Variants in FLRT1 observed in about 807,000 individuals in gnomAD.
The protein encoded by FLRT1 is fibronectin leucine rich transmembrane protein 1.
In FLRT1, 14 loss-of-function variants were observed where a neutral mutation model predicts 30.9. The ratio of observed to expected loss-of-function variants is 0.45; its 90% CI spans 0.30 to 0.71. The LOEUF is 0.71. Among genes scored for constraint, FLRT1 ranks in the 30% least tolerant of loss-of-function variants. FLRT1 has a pLI of 0.08. For synonymous variants in FLRT1, 368 were observed against 430.4 expected (o/e 0.85, Z 1.80); for missense variants, 737 against 949.2 (o/e 0.78, Z 2.94).
intron 1 of FLRT1, among the ~76,000 whole-genome samples, chr11:64,065,298 G>A (rs1020270920): frequency 3.3e-5 from 5 of 152,206 alleles, no homozygotes; most frequent in African/African-American, 7.2e-5. Context: ...GCGGGCAAGC[G>A]TCAGCTGCCT....
intron 1 of FLRT1, among the ~76,000 whole-genome samples, chr11:64,101,576 G>A (rs901168854): frequency 6.6e-6 from 1 of 152,174 alleles, no homozygotes; most frequent in African/African-American, 2.4e-5. Context: ...CGGCCAGGGA[G>A]GCGGATGACC....
In FLRT1 at chr11:64,064,308, G is replaced by T. The variant is rs989749018; in HGVS notation, c.-1038+28149G>T. On this transcript the variant is annotated intron_variant, in intron 1 of 2. Coordinates refer to ENST00000682287, the MANE Select transcript of FLRT1 (RefSeq NM_013280.5). This position sits in a 1 kb window ranked among gnomAD's most constrained non-coding sequence, Gnocchi z 4.5. ...ACGTGCAGCCCTGTTCAGGCGGCGG[G>T]TAGGGGGGTGATGTCTCATCAGAAG... Among the ~76,000 whole-genome samples the T allele has an allele frequency of 6.6e-6, 1 of 152,222 alleles. No homozygotes were observed. Among genetic ancestry groups the T allele is most frequent in the Admixed American group, 6.5e-5 (1 of 15,294 alleles).
chr11:64,105,681 TG>T (rs1317981614), intron 2 of FLRT1, among the ~76,000 whole-genome samples: 1 of 152,128 alleles, frequency 6.6e-6, no homozygotes, highest in Non-Finnish European at 1.5e-5. Context: ...GCAGACATGC[TG>T]GTGGAGAAGA....
Position 64,090,870 on chromosome 11 carries a change from G to T in FLRT1, c.-1037-12324G>T, listed in dbSNP as rs1028099966. Reference sequence around the variant, plus strand: ...GCACTCCCAGGGAGCCCTGAGGGACGAAGTAAAGCAGGAGAGGGCAGGGGG... The same window carrying T: ...GCACTCCCAGGGAGCCCTGAGGGACTAAGTAAAGCAGGAGAGGGCAGGGGG... On this transcript the variant is annotated intron_variant, in intron 1 of 2. Coordinates refer to ENST00000682287, the MANE Select transcript of FLRT1 (RefSeq NM_013280.5). The surrounding 1 kb of genome is among the most constrained non-coding windows in gnomAD (Gnocchi z 4.7). Among the ~76,000 whole-genome samples the T allele has an allele frequency of 6.6e-6, 1 of 152,024 alleles. No homozygotes were observed. Among genetic ancestry groups the T allele is most frequent in the African/African-American group, 2.4e-5 (1 of 41,356 alleles).
intron 1 of FLRT1, among the ~76,000 whole-genome samples, chr11:64,101,578 C>A (rs377114431): frequency 6.6e-6 from 1 of 152,266 alleles, no homozygotes; most frequent in South Asian, 2.1e-4. Flanking sequence ...GCCAGGGAGG[C>A]GGATGACCTC....
At chr11:64,049,922 G>C (rs554226405) in intron 1 of FLRT1, among the ~76,000 whole-genome samples, 21 of 152,200 alleles carry the variant, frequency 1.4e-4, no homozygotes, top group African/African-American at 5.1e-4. Flanking sequence ...TGTGGCCCCG[G>C]GGGGGAGGCC....
rs1328223394 is a variant in FLRT1 at position 64,036,179 on chromosome 11, G to C, written c.-1038+20G>C. On this transcript the variant is annotated intron_variant, in intron 1 of 2. Transcript: ENST00000682287. This position sits in a 1 kb window ranked among gnomAD's most constrained non-coding sequence, Gnocchi z 5.6. ...GCGCAGGTAGGGCTGGCTGCACCGG[G>C]CGGGGGTCGGGGTCCGCGCGTCTGG... The C allele has an allele frequency of 5.3e-5, 8 of 152,276 alleles. No homozygotes were observed. The East Asian group carries it at 1.4e-3, about 26-fold the overall frequency. The allele number at this position is 152,276 out of a possible 1,614,324, so 9.4% of individuals were successfully genotyped here.
At chr11:64,099,503 C>G (rs528719486) in intron 1 of FLRT1, among the ~76,000 whole-genome samples, 3 of 151,722 alleles carry the variant, frequency 2.0e-5, no homozygotes, top group Non-Finnish European at 2.9e-5. Context: ...GATGAATGGA[C>G]AGACGGATAG....
chr11:64,118,380 G>T lies in FLRT1; in HGVS notation c.*88G>T. On this transcript the variant is annotated 3_prime_UTR_variant, in exon 3 of 3. Transcript: ENST00000682287. ...GCCCAGCCTGCTGCAATCCAAGAGA[G>T]CAAGGAAGAGAAATTCCATGGGTGA... The T allele has an allele frequency of 7.1e-7, 1 of 1,408,464 alleles. No homozygotes were observed. Among genetic ancestry groups the T allele is most frequent in the Non-Finnish European group, 9.3e-7 (1 of 1,069,836 alleles). The allele number at this position is 1,408,464 out of a possible 1,614,324, so 87.2% of individuals were successfully genotyped here.
chr11:64,089,012 G>A (rs574251630), intron 1 of FLRT1, among the ~76,000 whole-genome samples: 3 of 152,264 alleles, frequency 2.0e-5, no homozygotes, highest in Admixed American at 2.0e-4. Flanking sequence ...GAAGCCACTG[G>A]GAGGGCCACT....
At position 64,064,502 on chromosome 11, in the gene FLRT1, C is replaced by T. The variant is rs536162947; in HGVS notation, c.-1038+28343C>T. 2.6e-5 allele frequency among the ~76,000 whole-genome samples: 4 copies of T among 152,208 alleles called. No homozygotes were observed. Among genetic ancestry groups the T allele is most frequent in the South Asian group, 2.1e-4 (1 of 4,810 alleles). On this transcript the variant is annotated intron_variant, in intron 1 of 2. Transcript: ENST00000682287. This position sits in a 1 kb window ranked among gnomAD's most constrained non-coding sequence, Gnocchi z 4.5. ...GCCTCAGGCCTGCCCCGGATGGGCA[C>T]GCAGGCAGGGTGCATATGTACGTAT...
chr11:64,087,271 G>C (rs1383228187), intron 1 of FLRT1: 1 of 152,290 alleles, frequency 6.6e-6, no homozygotes, highest in Non-Finnish European at 1.5e-5. Context: ...CATGCCCTCT[G>C]TGCAGGGAAA....
intron 1 of FLRT1, among the ~76,000 whole-genome samples, chr11:64,098,189 G>C (rs189045345): frequency 1.3e-5 from 2 of 152,110 alleles, no homozygotes. Context: ...TCCATGCCTC[G>C]GCACCCTCAC....
intron 1 of FLRT1, among the ~76,000 whole-genome samples, chr11:64,037,075 G>A (rs1565203828): frequency 1.3e-5 from 2 of 151,948 alleles, no homozygotes; most frequent in East Asian, 3.9e-4. Context: ...AGCCCAGCTG[G>A]GGTGTGCCAG....
At chr11:64,102,715 G>C (rs1944691533) in intron 1 of FLRT1, among the ~76,000 whole-genome samples, 2 of 152,186 alleles carry the variant, frequency 1.3e-5, no homozygotes, top group Non-Finnish European at 2.9e-5. Flanking sequence ...AAAGAGGCAG[G>C]AGATAGGGAG....
intron 1 of FLRT1, among the ~76,000 whole-genome samples, chr11:64,080,757 G>A (rs113508555): frequency 0.048 from 7,255 of 152,270 alleles, 376 homozygotes; most frequent in African/African-American, 0.12. Context: ...GGATCCAGGG[G>A]TGGCTTTTAG....
chr11:64,044,638 G>C (rs939901893), intron 1 of FLRT1, among the ~76,000 whole-genome samples: 1 of 152,206 alleles, frequency 6.6e-6, no homozygotes, highest in Non-Finnish European at 1.5e-5. Context: ...AGGTCACACA[G>C]AGGAAGGGGA....
At chr11:64,104,235 G>A (rs1944719568) in intron 2 of FLRT1, 54 bp downstream of exon 2, 1 of 152,406 alleles carries the variant, frequency 6.6e-6, no homozygotes, top group African/African-American at 2.4e-5. Flanking sequence ...GCTCCAGGGT[G>A]GGCCCAGGGT....
At position 64,117,190 on chromosome 11, in the gene FLRT1, C is replaced by T. The variant is rs750867527; in HGVS notation, c.923C>T (p.Thr308Met). 1.4e-5 allele frequency: 22 copies of T among 1,614,014 alleles called. No individual in the cohort carries two copies. Among genetic ancestry groups the T allele is most frequent in the East Asian group, 1.3e-4 (6 of 44,890 alleles). Reference sequence around the variant, plus strand: ...GACCTGTCCAACAACAACCTGACCACGCTGCCCCGCGGCCTGTTCGACGAC... The same window carrying T: ...GACCTGTCCAACAACAACCTGACCATGCTGCCCCGCGGCCTGTTCGACGAC... ...RLDLSNNNLT[T>M]LPRGLFDDLG... Residue 308 changes from threonine (T) to methionine (M), a missense_variant, in exon 3 of 3, where the codon ACG becomes ATG. Transcript: ENST00000682287.
Sources: gnomAD v4.1 joint callset for allele counts (sites outside exome capture counted in the v4.1 genomes callset) on GRCh38, gnomAD v4.1.1 for gene constraint, Gnocchi (gnomAD v3.1) non-coding constraint, MANE v1.5 for transcripts, NCBI Gene and HGNC (gene_info 2026-07-23, HGNC 2026-07-21) for gene names.